Variants in GAB3 observed in about 807,000 individuals in gnomAD.
GAB3 encodes GRB2-associated-binding protein 3.
Under a neutral mutation model 40.4 loss-of-function variants are expected in GAB3, and 12 were observed. The observed-to-expected ratio is 0.30, with a 90% CI of 0.19 to 0.48. The LOEUF is 0.48. Ranked by LOEUF, GAB3 falls within the 20% of genes least tolerant of loss-of-function variation. The pLI is 0.99. For missense variants in GAB3, 381 were observed against 461.9 expected (o/e 0.82, Z 1.61); for synonymous variants, 154 against 176.7 (o/e 0.87, Z 1.02).
rs1287163572 is a variant in GAB3 at position 154,699,335 on chromosome X, T to C, written c.1304A>G (p.Glu435Gly). The change falls in exon 6 of 10, where the codon GAA (glutamate) becomes GGA (glycine). Residue 435 changes from glutamate (E) to glycine (G), a missense_variant. This residue lies in a region of GAB3 where 364 missense variants were observed against 421.0 expected (regional missense o/e 0.86). Coordinates refer to ENST00000424127, the MANE Select transcript of GAB3 (RefSeq NM_001081573.3). Reference sequence around the variant, plus strand: ...GAGATCTCTATTCACTGGGGGAGGTTCCAGGTTTGCAGGCAGCTCAGGCAA... The same window carrying C: ...GAGATCTCTATTCACTGGGGGAGGTCCCAGGTTTGCAGGCAGCTCAGGCAA... The part of the protein sequence containing the change: ...SPLPELPANL[E>G]PPPVNRDLKP... The C allele has an allele frequency of 8.3e-7, 1 of 1,209,019 alleles. No homozygotes were observed. Among genetic ancestry groups the C allele is most frequent in the Non-Finnish European group, 1.1e-6 (1 of 894,689 alleles).
intron 8 of GAB3, among the ~76,000 whole-genome samples, chrX:154,686,453 T>C (rs1475039557): frequency 9.9e-6 from 1 of 100,920 alleles, no homozygotes; most frequent in Non-Finnish European, 2.0e-5. Context: ...AAAAAAAAAA[T>C]CCCAAGAAAT....
At chrX:154,741,875 G>T (rs1243910490) in intron 1 of GAB3, among the ~76,000 whole-genome samples, 1 of 110,416 alleles carries the variant, frequency 9.1e-6, no homozygotes, top group Non-Finnish European at 1.9e-5. Context: ...TATCTCGTGA[G>T]ATTCACTCGA....
chrX:154,728,685 C>T (rs1557259624), intron 1 of GAB3, among the ~76,000 whole-genome samples: 1 of 112,407 alleles, frequency 8.9e-6, no homozygotes, highest in African/African-American at 3.2e-5. Flanking sequence ...ACCCAGTAAA[C>T]AGCAACTGGC....
intron 1 of GAB3, among the ~76,000 whole-genome samples, chrX:154,741,675 C>CA (rs1206111123): frequency 0.076 from 1,916 of 25,271 alleles, 42 homozygotes; most frequent in East Asian, 0.098. Flanking sequence ...GACTCCATCT[C>CA]AAAAAAAAAA....
At chrX:154,682,295 C>T (rs1046386733) in intron 8 of GAB3, among the ~76,000 whole-genome samples, 1 of 111,913 alleles carries the variant, frequency 8.9e-6, no homozygotes, top group East Asian at 2.8e-4. Context: ...AGTTATCATT[C>T]ATATAAGCAG....
chrX:154,747,193 G>C (rs2071541762), intron 1 of GAB3, among the ~76,000 whole-genome samples: 1 of 111,790 alleles, frequency 8.9e-6, no homozygotes, highest in Non-Finnish European at 1.9e-5. Context: ...GTTTTTAGTA[G>C]AGACAGAGTT....
At chrX:154,728,247 A>G (rs144988891) in intron 1 of GAB3, among the ~76,000 whole-genome samples, 53 of 111,930 alleles carry the variant, frequency 4.7e-4, no homozygotes, top group African/African-American at 1.6e-3. Context: ...ACCTATCTGC[A>G]TTTGGAGCTC....
chrX:154,735,707 G>A (rs1429513053), intron 1 of GAB3, among the ~76,000 whole-genome samples: 1 of 112,265 alleles, frequency 8.9e-6, no homozygotes, highest in Admixed American at 9.4e-5. Flanking sequence ...GCAGGCAGCT[G>A]CCAGAGTGAT....
At chrX:154,741,929 T>A (rs142219720) in intron 1 of GAB3, among the ~76,000 whole-genome samples, 1 of 111,141 alleles carries the variant, frequency 9.0e-6, no homozygotes, top group Non-Finnish European at 1.9e-5. Flanking sequence ...AATCTGATTA[T>A]CAATTACCTC....
At chrX:154,684,829 C>T (rs1449164079) in intron 8 of GAB3, among the ~76,000 whole-genome samples, 1 of 111,410 alleles carries the variant, frequency 9.0e-6, no homozygotes, top group African/African-American at 3.3e-5. Context: ...GGAATGGTAC[C>T]TTTCATGAAC....
chrX:154,720,031 AT>A (rs1258884371), intron 1 of GAB3, among the ~76,000 whole-genome samples: 1 of 111,483 alleles, frequency 9.0e-6, no homozygotes, highest in African/African-American at 3.3e-5. Context: ...GTCCTATAAG[AT>A]TTTTTTTCAA....
intron 2 of GAB3, among the ~76,000 whole-genome samples, chrX:154,713,777 A>G (rs1224915871): frequency 3.2e-4 from 26 of 81,664 alleles, no homozygotes; most frequent in Non-Finnish European, 5.5e-4. Context: ...ATATATATAT[A>G]TATATATATG....
chrX:154,683,583 C>A (rs2070405828), intron 8 of GAB3, among the ~76,000 whole-genome samples: 1 of 111,765 alleles, frequency 8.9e-6, no homozygotes, highest in Non-Finnish European at 1.9e-5. Context: ...ACCATTACTG[C>A]TTCTTTTACT....
intron 1 of GAB3, among the ~76,000 whole-genome samples, chrX:154,722,008 C>G (rs1225165704): frequency 8.9e-6 from 1 of 111,788 alleles, no homozygotes; most frequent in Non-Finnish European, 1.9e-5. Context: ...TTTACAATGG[C>G]CAAGATATGG....
rs1232182604 is a variant in GAB3, at chrX:154,705,312, C to A, written c.1070-5253G>T. Among the ~76,000 whole-genome samples the A allele has an allele frequency of 1.1e-4, 12 of 111,596 alleles. No homozygotes were observed. In the East Asian group the frequency reaches 3.1e-3, roughly 28 times the overall value. Reference sequence around the variant, plus strand: ...GACATGCATTTCCCTATGTAACAAACCTGCACATGTACCCAAAACCTAAAA... The same window carrying A: ...GACATGCATTTCCCTATGTAACAAAACTGCACATGTACCCAAAACCTAAAA... On this transcript the variant is annotated intron_variant, in intron 4 of 9. Coordinates refer to ENST00000424127, the MANE Select transcript of GAB3 (RefSeq NM_001081573.3).
chrX:154,728,117 C>T (rs1480986662), intron 1 of GAB3, among the ~76,000 whole-genome samples: 15 of 111,421 alleles, frequency 1.3e-4, no homozygotes, highest in Non-Finnish European at 1.9e-4. Context: ...CCCTCTGCCC[C>T]CTCTGCGGTG....
chrX:154,735,933 T>C (rs1557260469), intron 1 of GAB3, among the ~76,000 whole-genome samples: 1 of 112,412 alleles, frequency 8.9e-6, no homozygotes, highest in Non-Finnish European at 1.9e-5. Context: ...GGCTGTACAT[T>C]GTCCATCCCC....
At position 154,680,210 on chromosome X, in the gene GAB3, G is replaced by A; in HGVS notation, c.1569C>T (p.Ala523=). ...GGCTGAATTTCTTTGTCCACGTAAG[G>A]GCACCACTGCTCAGGGAACTGGCTG... ...HRTASSLSSG[A]LTWTKKFSLD... The change falls in exon 9 of 10, where the codon GCC becomes GCT. Residue 523 remains alanine, a synonymous_variant. Coordinates refer to ENST00000424127, the MANE Select transcript of GAB3 (RefSeq NM_001081573.3). 1.7e-6 allele frequency: 2 copies of A among 1,208,489 alleles called. No individual in the cohort carries two copies. The highest frequency in any genetic ancestry group is 2.2e-6 in the Non-Finnish European group (2 of 893,518).
intron 4 of GAB3, among the ~76,000 whole-genome samples, chrX:154,707,569 G>A (rs1557253980): frequency 8.9e-6 from 1 of 111,813 alleles, no homozygotes; most frequent in African/African-American, 3.2e-5. Context: ...TCTAATGAAT[G>A]ATATCTACAA....
Sources: gnomAD v4.1 joint callset for allele counts (sites outside exome capture counted in the v4.1 genomes callset) on GRCh38, gnomAD v4.1.1 for gene constraint, gnomAD v4.1.1 regional missense constraint, MANE v1.5 for transcripts, NCBI Gene and HGNC (gene_info 2026-07-23, HGNC 2026-07-21) for gene names.